Variants in CARNS1 observed in about 807,000 individuals in gnomAD.
The protein encoded by CARNS1 is carnosine synthase 1.
Under a neutral mutation model 74.0 loss-of-function variants are expected in CARNS1, and 61 were observed. The observed-to-expected ratio is 0.82, with a 90% confidence interval of 0.67 to 1.02. The LOEUF is 1.02. Ranked by LOEUF, CARNS1 falls within the 50% of genes least tolerant of loss-of-function variation. The pLI, the probability that CARNS1 is intolerant of heterozygous loss-of-function variation, is 0.00. For missense variants in CARNS1, 1,278 were observed against 1,308.4 expected (o/e 0.98, Z 0.36); for synonymous variants, 568 against 605.5 (o/e 0.94, Z 0.91).
At chr11:67,422,840 C>T (rs1043171162) in intron 9 of CARNS1, among the ~76,000 whole-genome samples, 6 of 152,232 alleles carry the variant, frequency 3.9e-5, no homozygotes, top group Non-Finnish European at 8.8e-5. Flanking sequence ...GCCACCCTCC[C>T]TCTCTCTTCA....
intron 5 of CARNS1, 56 bp from the exon 6 acceptor site, chr11:67,419,431 C>A (rs753417555): frequency 1.9e-6 from 3 of 1,583,024 alleles, no homozygotes; most frequent in African/African-American, 2.7e-5. Flanking sequence ...GGAAGTGCCC[C>A]ACCCTGCAGT....
chr11:67,418,746 C>T lies in CARNS1; in HGVS notation c.365-10C>T. 1.9e-6 allele frequency: 3 copies of T among 1,570,874 alleles called. No individual in the cohort carries two copies. The highest frequency in any genetic ancestry group is 2.6e-6 in the Non-Finnish European group (3 of 1,156,986). ...TTCCCTGGCCAGCCACTTGCCTTCT[C>T]TGCCCACAGGAAACATGCTCCTTTG... On this transcript the variant is annotated splice_polypyrimidine_tract_variant and intron_variant, in intron 4 of 9. Coordinates refer to ENST00000687366, the MANE Select transcript of CARNS1 (RefSeq NM_001166222.2).
intron 7 of CARNS1, among the ~76,000 whole-genome samples, chr11:67,420,385 C>A (rs1199217679): frequency 6.6e-6 from 1 of 152,160 alleles, no homozygotes; most frequent in East Asian, 1.9e-4. Flanking sequence ...TGGAGGGGGA[C>A]CCCAGCTGGG....
chr11:67,420,088 A>G (rs1458260641), intron 7 of CARNS1, among the ~76,000 whole-genome samples: 1 of 152,142 alleles, frequency 6.6e-6, no homozygotes, highest in East Asian at 1.9e-4. Flanking sequence ...ACCAGGGCCC[A>G]GGGGGCTGAA....
chr11:67,422,171 CTTTTTT>C (rs35293042), intron 9 of CARNS1, among the ~76,000 whole-genome samples: 1 of 72,784 alleles, frequency 1.4e-5, no homozygotes, highest in African/African-American at 8.7e-5. Context: ...CGCGCCCGGC[CTTTTTT>C]TTTTTTTTTT....
At position 67,419,058 on chromosome 11, in the gene CARNS1, C is replaced by A; in HGVS notation, c.667C>A (p.Gln223Lys). 1.3e-6 allele frequency: 2 copies of A among 1,559,110 alleles called. No homozygotes were observed. The highest frequency in any genetic ancestry group is 1.7e-6 in the Non-Finnish European group (2 of 1,152,772). Residue 223 changes from glutamine (Q) to lysine (K), a missense_variant, in exon 5 of 10, where the codon CAG becomes AAG. Transcript: ENST00000687366. ...GCTGACAAGGCAGTTGCTGGCCCAG[C>A]AGGGTGGTGTGGCTGTGCCAGCAAC... ...RLLTRQLLAQ[Q>K]GGVAVPATLA...
At chr11:67,422,522 T>C (rs950773838) in intron 9 of CARNS1, among the ~76,000 whole-genome samples, 3 of 152,272 alleles carry the variant, frequency 2.0e-5, no homozygotes, top group Admixed American at 6.5e-5. Flanking sequence ...AGACGGGATC[T>C]CGCTCTGTTG....
At chr11:67,420,523 T>C (rs556426905) in intron 7 of CARNS1, 86 bp from the exon 8 acceptor site, 37 of 804,378 alleles carry the variant, frequency 4.6e-5, no homozygotes, top group African/African-American at 3.9e-4. Flanking sequence ...GTGAGGGGTC[T>C]GGTCTGAATT....
chr11:67,417,098 A>G (rs1863562730), intron 2 of CARNS1: 1 of 1,132,514 alleles, frequency 8.8e-7, no homozygotes, highest in Non-Finnish European at 1.1e-6. Context: ...CAAGCAGAAA[A>G]CTCTGCTGCT....
At chr11:67,422,430 G>T (rs968644419) in intron 9 of CARNS1, among the ~76,000 whole-genome samples, 4 of 151,904 alleles carry the variant, frequency 2.6e-5, no homozygotes, top group Admixed American at 6.6e-5. Context: ...TGATCTGCCC[G>T]CTTTGGCCTC....
chr11:67,421,305 G>A, intron 9 of CARNS1, 86 bp downstream of exon 9: 1 of 1,310,560 alleles, frequency 7.6e-7, no homozygotes, highest in Non-Finnish European at 9.8e-7. Context: ...TGGAGCAAAG[G>A]GGCGTCCTTG....
rs760749177 is a variant in CARNS1, at chr11:67,419,125, G to C, written c.734G>C (p.Gly245Ala). 5 of 1,574,610 alleles carry C rather than the reference G, an allele frequency of 3.2e-6. No homozygotes were observed. Among genetic ancestry groups the C allele is most frequent in the Non-Finnish European group, 4.3e-6 (5 of 1,158,918 alleles). Residue 245 changes from glycine to alanine, a missense_variant, in exon 5 of 10, where the codon GGG becomes GCG. By Grantham distance (60) the Gly-to-Ala change is moderately conservative. Coordinates refer to ENST00000687366, the MANE Select transcript of CARNS1 (RefSeq NM_001166222.2). ...TYKPPGLLRGGDASLGLRLVE... is the reference protein window; with the variant it reads ...TYKPPGLLRGADASLGLRLVE... ...AAGCCGCCGGGGCTGCTGCGGGGAG[G>C]GGATGCCAGCCTAGGGCTACGGCTG...
rs1263486579 is a variant in CARNS1, at chr11:67,425,071, C to T, written c.*470C>T. 4 of 460,122 alleles carry T rather than the reference C, an allele frequency of 8.7e-6. No homozygotes were observed. The highest frequency in any genetic ancestry group is 3.2e-4 in the Middle Eastern group (1 of 3,104). The allele number at this position is 460,122 out of a possible 1,614,324, so 28.5% of individuals were successfully genotyped here. A position where few individuals can be genotyped will look rare whatever the true frequency, so the allele number is the denominator to read the frequency against. On this transcript the variant is annotated 3_prime_UTR_variant, in exon 10 of 10. Coordinates refer to ENST00000687366, the MANE Select transcript of CARNS1 (RefSeq NM_001166222.2). ...CCCTTGTCTTCCTCTTACCCAAATT[C>T]TAGGATAGCTCTGAAGCCTGCTGGA...
chr11:67,418,712 C>A (rs1565134866), intron 4 of CARNS1, 44 bp from the exon 5 acceptor site: 2 of 1,518,062 alleles, frequency 1.3e-6, no homozygotes, highest in South Asian at 1.3e-5. Context: ...GGGCATAGGG[C>A]ATCAAGCCTT....
chr11:67,419,245 TA>T lies in CARNS1; in HGVS notation c.852+4del. 6.8e-7 allele frequency: 1 copy of T among 1,471,380 alleles called. No homozygotes were observed. 91.1% of individuals were successfully genotyped at this position (1,471,380 alleles called of 1,614,324 possible). ...GAGGCCCTGGGTGATATCCTGCAGG[TA>T]ACAGACTCTCGCCCACCCTGAGGTC... On this transcript the variant is annotated splice_donor_region_variant and intron_variant, in intron 5 of 9. Transcript: ENST00000687366.
chr11:67,417,321 G>A (rs1003216138), intron 2 of CARNS1, 86 bp from the exon 3 acceptor site: 4 of 1,270,828 alleles, frequency 3.1e-6, no homozygotes, highest in Non-Finnish European at 4.0e-6. Flanking sequence ...AGCCCAGGCT[G>A]GGAGAGTGGG....
rs1790746 is a variant in CARNS1, at chr11:67,423,604, C to A, written c.1856C>A (p.Ala619Asp). Residue 619 changes from alanine (A) to aspartate (D), a missense_variant, in exon 10 of 10, where the codon GCT becomes GAT. Physicochemically the swap from Ala to Asp is moderately radical, Grantham distance 126. Transcript: ENST00000687366. The surrounding 1 kb of genome is among the most constrained non-coding windows in gnomAD (Gnocchi z 5.1). ...CTAGGTCTGCCCTGCAGCTCCCCAG[C>A]TGCCATGCGCCTGGCTAAGCAGAAG... ...QELGLPCSSP[A>D]AMRLAKQKSL... is the part of the protein sequence containing the mutation. 2.5e-5 allele frequency: 41 copies of A among 1,610,174 alleles called. No homozygotes were observed. The African/African-American group carries it at 5.1e-4, about 20-fold the overall frequency.
chr11:67,419,354 T>C, intron 5 of CARNS1, 111 bp downstream of exon 5: 1 of 1,473,132 alleles, frequency 6.8e-7, no homozygotes, highest in Non-Finnish European at 9.0e-7. Flanking sequence ...GCCCTGCCGC[T>C]GCCCTGCCCC....
In CARNS1 at chr11:67,419,157, C is replaced by G. The variant is rs1376171085; in HGVS notation, c.766C>G (p.Leu256Val). Residue 256 changes from leucine to valine, a missense_variant, in exon 5 of 10, where the codon CTG becomes GTG. By Grantham distance (32) the Leu-to-Val change is conservative. This residue lies in a region of CARNS1 where 1,164 missense variants were observed against 1,156.5 expected (regional missense o/e 1.01). Coordinates refer to ENST00000687366, the MANE Select transcript of CARNS1 (RefSeq NM_001166222.2). ...CAGCCTAGGGCTACGGCTGGTGGAG[C>G]TGAGTGGCAAAGAGGGCCAGGAGAC... ...DASLGLRLVE[L>V]SGKEGQETLV... 2 of 1,556,242 alleles carry G rather than the reference C, an allele frequency of 1.3e-6. No homozygotes were observed. Among genetic ancestry groups the G allele is most frequent in the Non-Finnish European group, 1.7e-6 (2 of 1,147,708 alleles).
Sources: gnomAD v4.1 joint callset for allele counts (sites outside exome capture counted in the v4.1 genomes callset) on GRCh38, gnomAD v4.1.1 for gene constraint, gnomAD v4.1.1 regional missense constraint, Gnocchi (gnomAD v3.1) non-coding constraint, MANE v1.5 for transcripts, NCBI Gene and HGNC (gene_info 2026-07-23, HGNC 2026-07-21) for gene names.